Variants in APCDD1 observed in about 807,000 individuals in gnomAD.
The protein encoded by APCDD1 is APC down-regulated 1.
Under a neutral mutation model 38.1 loss-of-function variants are expected in APCDD1, and 15 were observed. That is an observed-to-expected ratio of 0.39 (90% CI 0.26 to 0.61). The LOEUF (loss-of-function observed/expected upper bound fraction) is 0.61. Ranked by LOEUF, APCDD1 falls within the 20% of genes least tolerant of loss-of-function variation. The pLI is 0.49. For missense variants in APCDD1, 647 were observed against 696.2 expected, an observed-to-expected ratio of 0.93 and a Z score of 0.79; for synonymous variants, 261 against 279.7, an observed-to-expected ratio of 0.93 and a Z score of 0.67.
chr18:10,488,056 A>AT lies in APCDD1; in HGVS notation c.*23dup. 1 of 1,612,492 alleles carries AT rather than the reference A, an allele frequency of 6.2e-7. No homozygotes were observed. Among genetic ancestry groups the AT allele is most frequent in the Non-Finnish European group, 8.5e-7 (1 of 1,179,978 alleles). ...GCAGATAGAAGTTTTAGAAAGTTCT[A>AT]TTTTTCCAAACCAGGATTCCTTACT... On this transcript the variant is annotated 3_prime_UTR_variant, in exon 5 of 5. Transcript: ENST00000355285.
In APCDD1 at chr18:10,488,268, C is replaced by T. The variant is rs879469647; in HGVS notation, c.*230C>T. ...ATCCCTGGCCTGAGCAACTTCACAA[C>T]AGTAATTGCACTTTAAGACAGCCTA... On this transcript the variant is annotated 3_prime_UTR_variant, in exon 5 of 5. Coordinates refer to ENST00000355285, the MANE Select transcript of APCDD1 (RefSeq NM_153000.5). 3 of 592,706 alleles carry T rather than the reference C, an allele frequency of 5.1e-6. No homozygotes were observed. The highest frequency in any genetic ancestry group is 8.9e-6 in the Non-Finnish European group (3 of 337,242). The allele number at this position is 592,706 out of a possible 1,614,324, so 36.7% of individuals were successfully genotyped here.
At position 10,468,672 on chromosome 18, in the gene APCDD1, C is replaced by T. The variant is rs2030776970; in HGVS notation, c.242+20C>T. The T allele has an allele frequency of 1.2e-6, 2 of 1,612,500 alleles. No individual in the cohort carries two copies. The highest frequency in any genetic ancestry group is 1.7e-6 in the Non-Finnish European group (2 of 1,179,762). ...CACAGGGTAAGAGGACAGGTGGGGTCTGGGAGAGGCCAGAGAGCACACCAC... is the reference window on the plus strand; with the variant it reads ...CACAGGGTAAGAGGACAGGTGGGGTTTGGGAGAGGCCAGAGAGCACACCAC... On this transcript the variant is annotated intron_variant, in intron 2 of 4. Transcript: ENST00000355285.
At position 10,485,393 on chromosome 18, in the gene APCDD1, C is replaced by T. The variant is rs775755233; in HGVS notation, c.775-69C>T. 8.6e-4 allele frequency: 1,349 copies of T among 1,567,678 alleles called. No homozygotes were observed. The highest frequency in any genetic ancestry group is 1.1e-3 in the Non-Finnish European group (1,230 of 1,146,040). ...TGGTGCCTGGTGAGACCCCATTTGC[C>T]GGAAGCATGTGTGCACTGCTCCCTT... On this transcript the variant is annotated intron_variant, in intron 3 of 4. Transcript: ENST00000355285. The surrounding 1 kb of genome is among the most constrained non-coding windows in gnomAD (Gnocchi z 5.8).
chr18:10,487,527 G>A (rs533529179), intron 4 of APCDD1, 63 bp from the exon 5 acceptor site: 3 of 1,530,696 alleles, frequency 2.0e-6, no homozygotes, highest in South Asian at 2.2e-5. Context: ...GTGTTTTCTG[G>A]GTGGGTTTCT....
At position 10,489,422 on chromosome 18, in the gene APCDD1, C is replaced by T. The variant is rs1463235126; in HGVS notation, c.*1384C>T. 1.3e-5 allele frequency: 2 copies of T among 152,180 alleles called. No individual in the cohort carries two copies. Among genetic ancestry groups the T allele is most frequent in the Non-Finnish European group, 2.9e-5 (2 of 68,086 alleles). 9.4% of individuals were successfully genotyped at this position (152,180 alleles called of 1,614,324 possible). A position where few individuals can be genotyped will look rare whatever the true frequency, so the allele number is the denominator to read the frequency against. ...CTTGTATTTAAGAAGTAACTTTGGC[C>T]AGGTGTGATGGCTCACGCCGTAACC... On this transcript the variant is annotated 3_prime_UTR_variant, in exon 5 of 5. Transcript: ENST00000355285.
Position 10,454,888 on chromosome 18 carries a change from C to T in APCDD1, c.-94C>T, listed in dbSNP as rs1371125071. 8.3e-6 allele frequency: 11 copies of T among 1,319,484 alleles called. No individual in the cohort carries two copies. The highest frequency in any genetic ancestry group is 1.1e-5 in the Non-Finnish European group (11 of 1,026,664). The allele number at this position is 1,319,484 out of a possible 1,614,324, so 81.7% of individuals were successfully genotyped here. A position where few individuals can be genotyped will look rare whatever the true frequency, so the allele number is the denominator to read the frequency against. Reference sequence around the variant, plus strand: ...CTGAAGCCCCGGCCTGGCCCGGCCGCACCCGGCCGGAGGCGGAGGGCAGAG... The same window carrying T: ...CTGAAGCCCCGGCCTGGCCCGGCCGTACCCGGCCGGAGGCGGAGGGCAGAG... On this transcript the variant is annotated 5_prime_UTR_variant, in exon 1 of 5. Transcript: ENST00000355285.
rs1052138387 is a variant in APCDD1, at chr18:10,472,575, C to T, written c.774+514C>T. The stretch of plus-strand genomic sequence containing the variant: ...CCAGAGTCACCCTGGTGAGTCCCGA[C>T]ACTCTTAGGCAGAACAGCCTGCTGA... On this transcript the variant is annotated intron_variant, in intron 3 of 4. Coordinates refer to ENST00000355285, the MANE Select transcript of APCDD1 (RefSeq NM_153000.5). The surrounding 1 kb of genome is among the most constrained non-coding windows in gnomAD (Gnocchi z 6.6). Among the ~76,000 whole-genome samples the T allele has an allele frequency of 6.6e-6, 1 of 152,144 alleles. No homozygotes were observed. Among genetic ancestry groups the T allele is most frequent in the Non-Finnish European group, 1.5e-5 (1 of 68,022 alleles).
chr18:10,478,636 C>A (rs1568006467), intron 3 of APCDD1, among the ~76,000 whole-genome samples: 1 of 152,166 alleles, frequency 6.6e-6, no homozygotes, highest in African/African-American at 2.4e-5. Flanking sequence ...AAGGGCTGTA[C>A]CCTCATGACC....
intron 1 of APCDD1, among the ~76,000 whole-genome samples, chr18:10,462,204 A>C (rs1183744122): frequency 1.3e-5 from 2 of 152,240 alleles, no homozygotes; most frequent in African/African-American, 4.8e-5. Flanking sequence ...AAGCACATTT[A>C]TTATTATAAA....
rs371970577 is a variant in APCDD1, at chr18:10,472,511, G to A, written c.774+450G>A. On this transcript the variant is annotated intron_variant, in intron 3 of 4. Transcript: ENST00000355285. This position sits in a 1 kb window ranked among gnomAD's most constrained non-coding sequence, Gnocchi z 6.6. Reference sequence around the variant, plus strand: ...GGGACAGAAAGGGGAGGTGACAGTGGGATTTGTGTGGGGTGTTAGACTCCA... The same window carrying A: ...GGGACAGAAAGGGGAGGTGACAGTGAGATTTGTGTGGGGTGTTAGACTCCA... 2.2e-3 allele frequency among the ~76,000 whole-genome samples: 335 copies of A among 152,262 alleles called. 1 individual carries two copies. Among genetic ancestry groups the A allele is most frequent in the Non-Finnish European group, 3.9e-3 (267 of 68,018 alleles).
chr18:10,483,110 G>A (rs1358132912), intron 3 of APCDD1, among the ~76,000 whole-genome samples: 1 of 152,236 alleles, frequency 6.6e-6, no homozygotes, highest in Non-Finnish European at 1.5e-5. Context: ...TTGAAATGGA[G>A]AGAAATAAAT....
rs577898206 is a variant in APCDD1, at chr18:10,468,350, G to T, written c.59-119G>T. On this transcript the variant is annotated intron_variant, in intron 1 of 4. Transcript: ENST00000355285. ...AGAGCACGCACTGTGATGACACCTTGTAGAATAAACAATCATTTCCCACCT... is the reference window on the plus strand; with the variant it reads ...AGAGCACGCACTGTGATGACACCTTTTAGAATAAACAATCATTTCCCACCT... 74 of 1,095,694 alleles carry T rather than the reference G, an allele frequency of 6.8e-5. No homozygotes were observed. In the South Asian group the frequency reaches 9.0e-4, roughly 13 times the overall value. 67.9% of individuals were successfully genotyped at this position (1,095,694 alleles called of 1,614,324 possible).
intron 2 of APCDD1, 45 bp downstream of exon 2, chr18:10,468,697 C>T (rs372550648): frequency 1.2e-4 from 193 of 1,588,864 alleles, no homozygotes; most frequent in Non-Finnish European, 1.6e-4. Flanking sequence ...GAGCACACCA[C>T]TATGGAAGAC....
chr18:10,462,407 T>TTTCCTTCC (rs1251076346), intron 1 of APCDD1, among the ~76,000 whole-genome samples: 1 of 93,560 alleles, frequency 1.1e-5, no homozygotes, highest in African/African-American at 5.1e-5. Flanking sequence ...TCCTGTCTTC[T>TTTCCTTCC]TTCCTTCCTT....
intron 1 of APCDD1, among the ~76,000 whole-genome samples, chr18:10,466,537 T>C (rs1408991406): frequency 6.6e-6 from 1 of 152,184 alleles, no homozygotes; most frequent in African/African-American, 2.4e-5. Flanking sequence ...ATGCATGTGC[T>C]TTGTAAATAG....
At position 10,475,804 on chromosome 18, in the gene APCDD1, G is replaced by GT. The variant is rs2030984028; in HGVS notation, c.774+3743_774+3744insT. Reference sequence around the variant, plus strand: ...TCGCAAGATGGCTGAGGGGGGGGGGGGTCAGTGGAAGGCCGAGTGGCTCTG... The same window carrying GT: ...TCGCAAGATGGCTGAGGGGGGGGGGGTGTCAGTGGAAGGCCGAGTGGCTCTG... On this transcript the variant is annotated intron_variant, in intron 3 of 4. Coordinates refer to ENST00000355285, the MANE Select transcript of APCDD1 (RefSeq NM_153000.5). The surrounding 1 kb of genome is among the most constrained non-coding windows in gnomAD (Gnocchi z 4.0). The GT allele has an allele frequency of 6.7e-6, 1 of 149,586 alleles. No individual in the cohort carries two copies. The highest frequency in any genetic ancestry group is 2.5e-5 in the African/African-American group (1 of 40,118). The allele number at this position is 149,586 out of a possible 1,614,324, so 9.3% of individuals were successfully genotyped here. A position where few individuals can be genotyped will look rare whatever the true frequency, so the allele number is the denominator to read the frequency against.
intron 1 of APCDD1, among the ~76,000 whole-genome samples, chr18:10,455,646 A>C (rs1213408649): frequency 6.6e-6 from 1 of 152,158 alleles, no homozygotes; most frequent in African/African-American, 2.4e-5. Context: ...GGGGACCCCT[A>C]TTAGCCAAGA....
At chr18:10,473,725 A>G (rs1459089521) in intron 3 of APCDD1, among the ~76,000 whole-genome samples, 1 of 152,114 alleles carries the variant, frequency 6.6e-6, no homozygotes, top group Non-Finnish European at 1.5e-5. Flanking sequence ...GAAAATGGGT[A>G]AGAATAATGG....
intron 1 of APCDD1, among the ~76,000 whole-genome samples, chr18:10,463,471 G>A (rs11875508): frequency 0.029 from 4,374 of 152,276 alleles, 188 homozygotes; most frequent in African/African-American, 0.098. Flanking sequence ...CCAGAAATCT[G>A]AGACAAGTGT....
Sources: allele counts gnomAD v4.1 joint callset (sites outside exome capture counted in the v4.1 genomes callset), GRCh38; gene constraint gnomAD v4.1.1; non-coding constraint Gnocchi (gnomAD v3.1); transcripts MANE v1.5; gene names NCBI Gene and HGNC (gene_info 2026-07-23, HGNC 2026-07-21).